Variants in CFAP410 observed in about 807,000 individuals in gnomAD.
CFAP410 encodes cilia and flagella associated protein 410.
Under a neutral mutation model 25.7 loss-of-function variants are expected in CFAP410, and 27 were observed. That is an observed-to-expected ratio of 1.05 (90% CI 0.77 to 1.45). The LOEUF is 1.45. Among genes scored for constraint, CFAP410 ranks in the 40% most tolerant of loss-of-function variants. The pLI, the probability that CFAP410 is intolerant of heterozygous loss-of-function variation, is 0.00. For synonymous variants in CFAP410, 178 were observed against 158.4 expected (o/e 1.12, Z -0.93); for missense variants, 428 against 354.1 (o/e 1.21, Z -1.67).
chr21:44,338,577 A>T (rs577995881), intron 1 of CFAP410: 4 of 216,896 alleles, frequency 1.8e-5, no homozygotes, highest in African/African-American at 9.5e-5. Context: ...TCTCTCTCCT[A>T]TTCGACTTGG....
Position 44,339,374 on chromosome 21 carries a change from G to A in CFAP410, c.-180C>T. 2.4e-6 allele frequency: 1 copy of A among 423,300 alleles called. No homozygotes were observed. 26.2% of individuals were successfully genotyped at this position (423,300 alleles called of 1,614,324 possible). On this transcript the variant is annotated 5_prime_UTR_variant, in exon 1 of 7. Coordinates refer to ENST00000339818, the MANE Select transcript of CFAP410 (RefSeq NM_004928.3). ...AGCCCGCTGGGGCCGCTTGGGCGCCGCTGACACGTTGGCTCTGCTCCTGCT... is the reference window on the plus strand; with the variant it reads ...AGCCCGCTGGGGCCGCTTGGGCGCCACTGACACGTTGGCTCTGCTCCTGCT...
At position 44,333,188 on chromosome 21, in the gene CFAP410, C is replaced by G. The variant is rs140451304; in HGVS notation, c.218G>C (p.Arg73Pro). 5.0e-4 allele frequency: 810 copies of G among 1,612,638 alleles called. No individual in the cohort carries two copies. Among genetic ancestry groups the G allele is most frequent in the Non-Finnish European group, 6.5e-4 (772 of 1,179,884 alleles). ...GAAGAGCTCAGCCAGGCTGGGGATGCGGTTCCTCCGCAGGTACAGCTCACT... is the reference window on the plus strand; with the variant it reads ...GAAGAGCTCAGCCAGGCTGGGGATGGGGTTCCTCCGCAGGTACAGCTCACT... ...RLSELYLRRN[R>P]IPSLAELFYL... is the part of the protein sequence containing the mutation. The change falls in exon 4 of 7, where the codon CGC (arginine) becomes CCC (proline). Residue 73 changes from arginine to proline, a missense_variant. Transcript: ENST00000339818.
Position 44,333,100 on chromosome 21 carries a change from G to A in CFAP410, c.306C>T (p.Thr102=). 2 of 1,609,938 alleles carry A rather than the reference G, an allele frequency of 1.2e-6. No individual in the cohort carries two copies. The highest frequency in any genetic ancestry group is 1.7e-6 in the Non-Finnish European group (2 of 1,178,782). ...CGGTCATGCGGTAGCGGTGGGGGCT[G>A]GTGCCGCAGCACGGGTTCTCGGCCA... ...LWLAENPCCG[T]SPHRYRMTVL... is the part of the protein sequence containing the mutation. Residue 102 remains threonine, a synonymous_variant, in exon 4 of 7, where the codon ACC becomes ACT. Transcript: ENST00000339818.
Position 44,339,254 on chromosome 21 carries a change from G to A in CFAP410, c.-60C>T, listed in dbSNP as rs1201364765. On this transcript the variant is annotated 5_prime_UTR_variant, in exon 1 of 7. Transcript: ENST00000339818. ...GGCCTCCTGATCCCGGGCGGGTGACGACTGCGCGGCGCGTGTCTCCAGGGG... is the reference window on the plus strand; with the variant it reads ...GGCCTCCTGATCCCGGGCGGGTGACAACTGCGCGGCGCGTGTCTCCAGGGG... 3 of 1,128,142 alleles carry A rather than the reference G, an allele frequency of 2.7e-6. No homozygotes were observed. The highest frequency in any genetic ancestry group is 2.4e-6 in the Non-Finnish European group (2 of 840,216). The allele number at this position is 1,128,142 out of a possible 1,614,324, so 69.9% of individuals were successfully genotyped here. A position where few individuals can be genotyped will look rare whatever the true frequency, so the allele number is the denominator to read the frequency against.
chr21:44,336,288 T>C (rs1187820822), intron 2 of CFAP410, among the ~76,000 whole-genome samples: 2 of 152,184 alleles, frequency 1.3e-5, no homozygotes, highest in Non-Finnish European at 2.9e-5. Flanking sequence ...TACGACAGCA[T>C]CGTTGCTGTC....
At chr21:44,338,956 T>G (rs533224231) in intron 1 of CFAP410, among the ~76,000 whole-genome samples, 162 bp downstream of exon 1, 6 of 22,764 alleles carry the variant, frequency 2.6e-4, no homozygotes, top group East Asian at 2.0e-3. Context: ...CTCCGCCCTC[T>G]CCCCGCCCCG....
intron 3 of CFAP410, chr21:44,334,613 G>T (rs1358820452): frequency 3.4e-6 from 1 of 296,420 alleles, no homozygotes; most frequent in South Asian, 2.8e-5. Flanking sequence ...TCCCTGTGGG[G>T]TGGGCACTTG....
chr21:44,333,231 T>A lies in CFAP410; in HGVS notation c.175A>T (p.Ser59Cys). ...VNSISTLEPV[S>C]RCQRLSELYL... ...AGCTCACTCAGGCGCTGGCACCGGC[T>A]CACAGGCTCCAGGGTGGAGATGCTG... The change falls in exon 4 of 7, where the codon AGC becomes TGC. Residue 59 changes from serine to cysteine, a missense_variant. Ser to Cys is a moderately radical substitution (Grantham distance 112). Transcript: ENST00000339818. 1 of 1,612,694 alleles carries A rather than the reference T, an allele frequency of 6.2e-7. No homozygotes were observed. Among genetic ancestry groups the A allele is most frequent in the African/African-American group, 1.3e-5 (1 of 75,048 alleles).
At chr21:44,332,888 C>A in intron 4 of CFAP410, 145 bp downstream of exon 4, 1 of 632,806 alleles carries the variant, frequency 1.6e-6, no homozygotes, top group Non-Finnish European at 2.8e-6. Context: ...GCCAGGGGAA[C>A]AGCCTCTGGA....
intron 2 of CFAP410, among the ~76,000 whole-genome samples, chr21:44,337,220 G>A (rs1348189583): frequency 1.3e-5 from 2 of 152,162 alleles, no homozygotes; most frequent in Non-Finnish European, 2.9e-5. Context: ...CTCCCAGCAG[G>A]GCTTATTCTC....
chr21:44,334,520 C>CCCCCTCAACCTCTGGGTGGGCACGCGCA, intron 3 of CFAP410: 1 of 173,326 alleles, frequency 5.8e-6, no homozygotes, highest in South Asian at 3.8e-5. Context: ...CACGCGCACC[C>CCCCCTCAACCTCTGGGTGGGCACGCGCA]CCCCCCCCCC....
chr21:44,331,522 C>A (rs1182318726), intron 5 of CFAP410: 7 of 378,846 alleles, frequency 1.8e-5, no homozygotes, highest in South Asian at 6.6e-5. Flanking sequence ...CCTAGGCCAC[C>A]CCCCCCACCA....
Position 44,333,120 on chromosome 21 carries a change from C to T in CFAP410, c.286G>A (p.Glu96Lys), listed in dbSNP as rs774614339. ...GGGCTGGTGCCGCAGCACGGGTTCT[C>T]GGCCAGCCACAGCACCCGCAGACGC... ...LPRLRVLWLA[E>K]NPCCGTSPHR... Residue 96 changes from glutamate (E) to lysine (K), a missense_variant, in exon 4 of 7, where the codon GAG becomes AAG. Coordinates refer to ENST00000339818, the MANE Select transcript of CFAP410 (RefSeq NM_004928.3). 11 of 1,610,820 alleles carry T rather than the reference C, an allele frequency of 6.8e-6. No homozygotes were observed. The highest frequency in any genetic ancestry group is 2.2e-5 in the East Asian group (1 of 44,794).
intron 4 of CFAP410, chr21:44,332,729 G>A: frequency 2.1e-6 from 1 of 472,940 alleles, no homozygotes. Flanking sequence ...GTCAGAGCAG[G>A]GCTGCTACTC....
chr21:44,336,429 A>C (rs2047757295), intron 2 of CFAP410, among the ~76,000 whole-genome samples: 1 of 152,216 alleles, frequency 6.6e-6, no homozygotes, highest in Non-Finnish European at 1.5e-5. Flanking sequence ...CTTCTTGATA[A>C]CAGGTCTAGG....
chr21:44,337,806 G>T (rs1602090342), intron 1 of CFAP410, 139 bp from the exon 2 acceptor site: 2 of 686,132 alleles, frequency 2.9e-6, no homozygotes, highest in East Asian at 2.7e-5. Context: ...AAAAAGGAAG[G>T]TTGCCCAGAT....
Position 44,331,856 on chromosome 21 carries a change from C to G in CFAP410, c.532G>C (p.Glu178Gln), listed in dbSNP as rs752479202. 1 of 1,611,202 alleles carries G rather than the reference C, an allele frequency of 6.2e-7. No homozygotes were observed. The change falls in exon 5 of 7, where the codon GAG (glutamate) becomes CAG (glutamine). Residue 178 changes from glutamate (E) to glutamine (Q), a missense_variant. Physicochemically the swap from Glu to Gln is conservative, Grantham distance 29 (BLOSUM62 2). Coordinates refer to ENST00000339818, the MANE Select transcript of CFAP410 (RefSeq NM_004928.3). ...AETGRDPLDS[E>Q]EEATSGAQDE... ...CTCCAGCCTCACGTTGCCTCCTCCT[C>G]GCTGTCCAGCGGGTCCCGGCCAGTC... is the stretch of plus-strand genomic sequence containing the variant.
chr21:44,330,385 C>T, intron 6 of CFAP410, 59 bp from the exon 7 acceptor site: 2 of 1,581,350 alleles, frequency 1.3e-6, no homozygotes, highest in Non-Finnish European at 1.7e-6. Flanking sequence ...CTTCCCTCCA[C>T]AAGGGCTGGG....
At position 44,332,000 on chromosome 21, in the gene CFAP410, C is replaced by T. The variant is rs972257536; in HGVS notation, c.388G>A (p.Glu130Lys). ...CCCTCACTCAGTGCACGGGACAGCTCCTCCTCCGTCACAGCTTTGGGATGA... is the reference window on the plus strand; with the variant it reads ...CCCTCACTCAGTGCACGGGACAGCTTCTCCTCCGTCACAGCTTTGGGATGA... ...KLDNQAVTEE[E>K]LSRALSEGEE... is the part of the protein sequence containing the mutation. Residue 130 changes from glutamate to lysine, a missense_variant, in exon 5 of 7, where the codon GAG becomes AAG. Coordinates refer to ENST00000339818, the MANE Select transcript of CFAP410 (RefSeq NM_004928.3). 3 of 1,601,984 alleles carry T rather than the reference C, an allele frequency of 1.9e-6. No homozygotes were observed. Among genetic ancestry groups the T allele is most frequent in the South Asian group, 2.2e-5 (2 of 89,734 alleles).
Sources: gnomAD v4.1 joint callset for allele counts (sites outside exome capture counted in the v4.1 genomes callset) on GRCh38, gnomAD v4.1.1 for gene constraint, MANE v1.5 for transcripts, NCBI Gene and HGNC (gene_info 2026-07-23, HGNC 2026-07-21) for gene names.